ATP10B: variants seen among roughly 807,000 people sequenced by gnomAD.
The protein encoded by ATP10B is phospholipid-transporting ATPase VB.
A neutral mutation model predicts 141.2 loss-of-function variants in ATP10B; 122 were observed. The ratio of observed to expected loss-of-function variants is 0.86; its 90% CI spans 0.75 to 1.00. The LOEUF (loss-of-function observed/expected upper bound fraction) is 1.00, where lower values mean the gene tolerates loss of function less well. Among genes scored for constraint, ATP10B ranks in the 50% least tolerant of loss-of-function variants. The probability of loss-of-function intolerance (pLI) is 0.00; values close to 1 mark genes in which losing one functional copy is unlikely to be tolerated. For synonymous variants in ATP10B, 685 were observed against 692.0 expected (o/e 0.99, Z 0.16); for missense variants, 1,876 against 1,825.3 (o/e 1.03, Z -0.51).
chr5:160,680,839 T>C (rs970657100), intron 6 of ATP10B, among the ~76,000 whole-genome samples: 3 of 152,150 alleles, frequency 2.0e-5, no homozygotes, highest in African/African-American at 7.2e-5. Context: ...GCCACTGAGA[T>C]GTGAGGAGGC....
At chr5:160,890,723 T>C in the ATP10B span, among the ~76,000 whole-genome samples, 4 of 152,198 alleles carry the variant, frequency 2.6e-5, no homozygotes, top group Non-Finnish European at 5.9e-5. Context: ...TTTTTCTCTT[T>C]TATCTTTTAG....
At chr5:160,871,182 A>G in the ATP10B span, among the ~76,000 whole-genome samples, 4 of 152,142 alleles carry the variant, frequency 2.6e-5, no homozygotes, top group Admixed American at 1.3e-4. Context: ...GATCAAATAG[A>G]TAACAGTTTG....
chr5:160,657,563 T>G (rs559033441), intron 7 of ATP10B, among the ~76,000 whole-genome samples: 1 of 152,276 alleles, frequency 6.6e-6, no homozygotes, highest in South Asian at 2.1e-4. Flanking sequence ...TGAGTTCCCT[T>G]TTGTCAAGTG....
chr5:160,843,354 T>C (rs1477560534), intron 1 of ATP10B, among the ~76,000 whole-genome samples: 1 of 152,128 alleles, frequency 6.6e-6, no homozygotes, highest in Non-Finnish European at 1.5e-5. Context: ...CTTAATTGCC[T>C]TACCTACTGA....
At chr5:160,698,100 A>G (rs1230184356) in intron 3 of ATP10B, among the ~76,000 whole-genome samples, 1 of 152,104 alleles carries the variant, frequency 6.6e-6, no homozygotes, top group African/African-American at 2.4e-5. Flanking sequence ...CTTTACATCA[A>G]AATATCCTAC....
chr5:160,599,155 T>C (rs1166916741), intron 21 of ATP10B, among the ~76,000 whole-genome samples, 185 bp from the exon 22 acceptor site: 1 of 152,164 alleles, frequency 6.6e-6, no homozygotes, highest in Non-Finnish European at 1.5e-5. Context: ...ACTACTACTA[T>C]TGCTACTAAC....
chr5:160,897,643 C>A, the ATP10B span, among the ~76,000 whole-genome samples: 1 of 152,148 alleles, frequency 6.6e-6, no homozygotes, highest in Non-Finnish European at 1.5e-5. Flanking sequence ...CAATGCTATT[C>A]CCATCAAGCT....
intron 13 of ATP10B, among the ~76,000 whole-genome samples, chr5:160,626,805 G>A (rs1242438498): frequency 6.6e-6 from 1 of 152,180 alleles, no homozygotes; most frequent in Admixed American, 6.5e-5. Context: ...TTCTGGCTGG[G>A]ATGTGTTCCC....
intron 5 of ATP10B, among the ~76,000 whole-genome samples, 155 bp downstream of exon 5, chr5:160,687,645 G>A (rs1038669231): frequency 6.6e-6 from 1 of 152,072 alleles, no homozygotes; most frequent in African/African-American, 2.4e-5. Flanking sequence ...CACGCCTGTG[G>A]TCCCAGCTAT....
upstream of ATP10B, among the ~76,000 whole-genome samples, chr5:160,853,733 T>C (rs1180990990): frequency 6.6e-6 from 1 of 152,146 alleles, no homozygotes; most frequent in East Asian, 1.9e-4. Context: ...ATAAAATGTG[T>C]TGAAATTAAG....
At chr5:160,622,876 T>C (rs983520785) in intron 13 of ATP10B, among the ~76,000 whole-genome samples, 14 of 152,172 alleles carry the variant, frequency 9.2e-5, no homozygotes, top group Non-Finnish European at 1.8e-4. Flanking sequence ...ATCCTGAATT[T>C]CTGCACCAGC....
At chr5:160,575,586 T>C (rs767329509) in intron 24 of ATP10B, among the ~76,000 whole-genome samples, 4 of 152,174 alleles carry the variant, frequency 2.6e-5, no homozygotes, top group Admixed American at 2.0e-4. Flanking sequence ...AAAAAAGCAC[T>C]GGATTAAATG....
intron 1 of ATP10B, among the ~76,000 whole-genome samples, chr5:160,829,986 CTG>C (rs1257131228): frequency 1.3e-5 from 2 of 152,026 alleles, no homozygotes; most frequent in Non-Finnish European, 2.9e-5. Flanking sequence ...TTCCAGTACT[CTG>C]TTGATAGGAG....
intron 2 of ATP10B, among the ~76,000 whole-genome samples, chr5:160,777,389 C>T (rs1770410996): frequency 1.3e-5 from 2 of 152,170 alleles, no homozygotes; most frequent in South Asian, 4.2e-4. Context: ...TAGATAAATC[C>T]TGCTGGCCAG....
At chr5:160,686,931 T>C (rs1426316354) in intron 5 of ATP10B, 5 of 984,840 alleles carry the variant, frequency 5.1e-6, no homozygotes, top group African/African-American at 1.7e-5. Flanking sequence ...AATGATCTCA[T>C]ACATTATCTC....
chr5:160,872,332 G>A, the ATP10B span, among the ~76,000 whole-genome samples: 2 of 152,146 alleles, frequency 1.3e-5, no homozygotes, highest in East Asian at 3.8e-4. Context: ...TGGGTTGTCT[G>A]TTTACTCTGC....
At chr5:160,588,170 T>G (rs12653513) in intron 24 of ATP10B, among the ~76,000 whole-genome samples, 2 of 152,206 alleles carry the variant, frequency 1.3e-5, no homozygotes, top group East Asian at 3.9e-4. Flanking sequence ...TTTCTAAATA[T>G]ACAATCATGT....
rs981314916 is a variant in ATP10B at position 160,773,064 on chromosome 5, G to T, written c.-331+12495C>A. Among the ~76,000 whole-genome samples the T allele has an allele frequency of 1.9e-4, 17 of 89,584 alleles. No homozygotes were observed. The Admixed American group carries it at 2.2e-3, about 12-fold the overall frequency. 58.8% of individuals were successfully genotyped at this position (89,584 alleles called of 152,430 possible). ...AATCAGGAACACCAAGGGTGTATTT[G>T]TTGTCGTTGTTAATTAACTCTGTGG... is the stretch of plus-strand genomic sequence containing the variant. On this transcript the variant is annotated intron_variant, in intron 2 of 25. Transcript: ENST00000327245.
intron 24 of ATP10B, among the ~76,000 whole-genome samples, chr5:160,579,070 A>G (rs1220566545): frequency 6.6e-6 from 1 of 152,196 alleles, no homozygotes; most frequent in Non-Finnish European, 1.5e-5. Flanking sequence ...GATTGTGGAT[A>G]TTAGCCCTTT....
Sources: allele counts gnomAD v4.1 joint callset (sites outside exome capture counted in the v4.1 genomes callset), GRCh38; gene constraint gnomAD v4.1.1; transcripts MANE v1.5; gene names NCBI Gene and HGNC (gene_info 2026-07-23, HGNC 2026-07-21).